ELF2: variants seen among roughly 807,000 people sequenced by gnomAD.
ELF2 encodes the protein E74 like ETS transcription factor 2, also known as ETS-related transcription factor Elf-2.
In ELF2, 11 loss-of-function variants were observed where a neutral mutation model predicts 54.8. That is an observed-to-expected ratio of 0.20 (90% CI 0.13 to 0.33). The LOEUF (loss-of-function observed/expected upper bound fraction) is 0.33, where lower values mean the gene tolerates loss of function less well. Ranked by LOEUF, ELF2 falls within the 10% of genes least tolerant of loss-of-function variation. The pLI, the probability that ELF2 is intolerant of heterozygous loss-of-function variation, is 1.00. For synonymous variants in ELF2, 203 were observed against 245.1 expected, an observed-to-expected ratio of 0.83 and a Z score of 1.61; for missense variants, 513 against 703.0, an observed-to-expected ratio of 0.73 and a Z score of 3.06.
intron 4 of ELF2, among the ~76,000 whole-genome samples, chr4:139,092,905 T>C (rs1732825315): frequency 6.6e-6 from 1 of 151,806 alleles, no homozygotes; most frequent in Admixed American, 6.6e-5. Context: ...CTACTAGAAG[T>C]ATATAAAATT....
chr4:139,169,798 C>G (rs1462938812), intron 1 of ELF2, among the ~76,000 whole-genome samples: 74 of 149,318 alleles, frequency 5.0e-4, no homozygotes, highest in African/African-American at 1.7e-3. Context: ...CGGAGCTTGC[C>G]ATAAACTGAG....
intron 4 of ELF2, among the ~76,000 whole-genome samples, chr4:139,086,145 G>A (rs1264694704): frequency 6.6e-6 from 1 of 151,974 alleles, no homozygotes; most frequent in African/African-American, 2.4e-5. Flanking sequence ...CAAAGGTAAA[G>A]CAATGGGAAG....
intron 1 of ELF2, among the ~76,000 whole-genome samples, chr4:139,156,630 G>T (rs951642116): frequency 2.3e-5 from 3 of 131,072 alleles, no homozygotes; most frequent in African/African-American, 8.2e-5. Context: ...TTTTGTTGTT[G>T]TTGTTGTTGT....
intron 4 of ELF2, chr4:139,115,124 C>T (rs1184759620): frequency 3.1e-6 from 5 of 1,613,716 alleles, no homozygotes; most frequent in African/African-American, 1.3e-5. Context: ...TCCTGGCAGT[C>T]GTAGAGGCGC....
At chr4:139,071,314 C>T (rs999039895) in intron 6 of ELF2, among the ~76,000 whole-genome samples, 1 of 151,004 alleles carries the variant, frequency 6.6e-6, no homozygotes, top group Non-Finnish European at 1.5e-5. Flanking sequence ...TGATATATAT[C>T]ATATATATAT....
chr4:139,123,802 G>A (rs1375639329), intron 4 of ELF2, among the ~76,000 whole-genome samples: 1 of 152,048 alleles, frequency 6.6e-6, no homozygotes, highest in Non-Finnish European at 1.5e-5. Flanking sequence ...GTTCTGTTTA[G>A]TTATGCTCTT....
At chr4:139,172,787 G>A (rs1213701734) in intron 1 of ELF2, among the ~76,000 whole-genome samples, 2 of 140,528 alleles carry the variant, frequency 1.4e-5, no homozygotes, top group Non-Finnish European at 3.0e-5. Context: ...CTTTATCCTA[G>A]GTATACAGAT....
chr4:139,141,441 G>A (rs1738687788), intron 1 of ELF2, among the ~76,000 whole-genome samples: 1 of 152,174 alleles, frequency 6.6e-6, no homozygotes, highest in Non-Finnish European at 1.5e-5. Flanking sequence ...CTGGTCACAT[G>A]ACTGCAAACA....
intron 2 of ELF2, 129 bp from the exon 3 acceptor site, chr4:139,137,996 G>C (rs535270461): frequency 2.0e-4 from 116 of 572,974 alleles, no homozygotes; most frequent in African/African-American, 1.8e-3. Context: ...ACATCCCCGT[G>C]TCAAAAGAGG....
chr4:139,106,334 T>C (rs752578125), intron 4 of ELF2, among the ~76,000 whole-genome samples: 4 of 151,482 alleles, frequency 2.6e-5, no homozygotes, highest in Non-Finnish European at 5.9e-5. Context: ...GTATGGATTA[T>C]TAGAGAAAAG....
intron 3 of ELF2, among the ~76,000 whole-genome samples, chr4:139,127,254 G>T (rs571810963): frequency 6.6e-6 from 1 of 152,152 alleles, no homozygotes; most frequent in Non-Finnish European, 1.5e-5. Flanking sequence ...ACAGAACAGC[G>T]TTCTTCATGT....
At chr4:139,177,393 G>A (rs1042507398), upstream of ELF2, among the ~76,000 whole-genome samples, 3 of 151,842 alleles carry the variant, frequency 2.0e-5, no homozygotes, top group South Asian at 2.1e-4. Flanking sequence ...GGCACCGCCA[G>A]TCACCGCAGC....
intron 4 of ELF2, among the ~76,000 whole-genome samples, chr4:139,080,025 T>C (rs1730874467): frequency 6.6e-6 from 1 of 152,252 alleles, no homozygotes; most frequent in South Asian, 2.1e-4. Flanking sequence ...TTGCATCCTT[T>C]TGAACATTTT....
At chr4:139,110,085 A>G (rs1734812661) in intron 4 of ELF2, among the ~76,000 whole-genome samples, 1 of 152,234 alleles carries the variant, frequency 6.6e-6, no homozygotes, top group African/African-American at 2.4e-5. Flanking sequence ...AGCATCTTCT[A>G]AGTACTAGCC....
chr4:139,116,528 TCTC>T (rs1735737963), intron 4 of ELF2: 2 of 285,422 alleles, frequency 7.0e-6, no homozygotes, highest in African/African-American at 2.3e-5. Context: ...TCGTATTACT[TCTC>T]CTTCCTTAAG....
chr4:139,111,642 G>A (rs572347105), intron 4 of ELF2, among the ~76,000 whole-genome samples: 3 of 151,990 alleles, frequency 2.0e-5, no homozygotes, highest in East Asian at 1.9e-4. Context: ...TTTGAGTCTC[G>A]CCCAGGTCCT....
intron 1 of ELF2, among the ~76,000 whole-genome samples, chr4:139,149,605 C>T (rs952437687): frequency 6.6e-6 from 1 of 152,084 alleles, no homozygotes; most frequent in African/African-American, 2.4e-5. Context: ...CAGAGCAAGA[C>T]TCCGTCTCAA....
chr4:139,163,802 T>C (rs146401944), intron 1 of ELF2, among the ~76,000 whole-genome samples: 2 of 151,950 alleles, frequency 1.3e-5, no homozygotes, highest in East Asian at 3.9e-4. Flanking sequence ...TAGTCTCAGC[T>C]ACTCAGGAGG....
At chr4:139,159,534 G>A (rs1422009111) in intron 1 of ELF2, among the ~76,000 whole-genome samples, 1 of 152,186 alleles carries the variant, frequency 6.6e-6, no homozygotes, top group South Asian at 2.1e-4. Flanking sequence ...ATAGAAGTTG[G>A]AACTCTAGCT....
Sources: allele counts gnomAD v4.1 joint callset (sites outside exome capture counted in the v4.1 genomes callset), GRCh38; gene constraint gnomAD v4.1.1; transcripts MANE v1.5; gene names NCBI Gene and HGNC (gene_info 2026-07-23, HGNC 2026-07-21).